The following GABBR2 variants were observed in gnomAD, a reference collection of about 807,000 sequenced individuals.
GABBR2 encodes the protein gamma-aminobutyric acid type B receptor subunit 2, also known as G-protein coupled receptor 51.
A neutral mutation model predicts 105.6 loss-of-function variants in GABBR2; 23 were observed. The observed-to-expected ratio is 0.22, with a 90% CI of 0.16 to 0.31. GABBR2 has a LOEUF of 0.31. Ranked by LOEUF, GABBR2 falls within the 10% of genes least tolerant of loss-of-function variation. The pLI, the probability that GABBR2 is intolerant of heterozygous loss-of-function variation, is 1.00. For synonymous variants in GABBR2, 478 were observed against 499.7 expected (o/e 0.96, Z 0.58); for missense variants, 734 against 1,245.5 (o/e 0.59, Z 6.18).
At chr9:98,663,289 G>A (rs929426862) in intron 1 of GABBR2, among the ~76,000 whole-genome samples, 2 of 152,122 alleles carry the variant, frequency 1.3e-5, no homozygotes, top group African/African-American at 2.4e-5. Context: ...GGGTACTGGA[G>A]GAAAGGCACA....
At chr9:98,432,895 A>G (rs1169703740) in intron 7 of GABBR2, among the ~76,000 whole-genome samples, 2 of 152,208 alleles carry the variant, frequency 1.3e-5, no homozygotes, top group African/African-American at 2.4e-5. Context: ...CATAAAGGCT[A>G]GAGTGGGCAG....
At chr9:98,594,525 T>A (rs577918221) in intron 1 of GABBR2, among the ~76,000 whole-genome samples, 1 of 151,832 alleles carries the variant, frequency 6.6e-6, no homozygotes, top group African/African-American at 2.4e-5. Flanking sequence ...AGGAATTTGC[T>A]GGAGGGGTGG....
chr9:98,441,345 C>G (rs1564070280), intron 7 of GABBR2, among the ~76,000 whole-genome samples: 1 of 150,228 alleles, frequency 6.7e-6, no homozygotes, highest in African/African-American at 2.5e-5. Flanking sequence ...AAAAACTCCT[C>G]TGAAGGAAGT....
intron 1 of GABBR2, among the ~76,000 whole-genome samples, chr9:98,703,043 G>A (rs999170566): frequency 6.6e-6 from 1 of 152,200 alleles, no homozygotes; most frequent in African/African-American, 2.4e-5. Flanking sequence ...CTTGTTCGTG[G>A]ATAAACACAT....
At position 98,358,830 on chromosome 9, in the gene GABBR2, T is replaced by G. The variant is rs550287609; in HGVS notation, c.1893+3885A>C. Among the ~76,000 whole-genome samples the G allele has an allele frequency of 9.8e-4, 149 of 152,230 alleles. 1 individual carries two copies. The highest frequency in any genetic ancestry group is 3.4e-3 in the African/African-American group (142 of 41,534). The stretch of plus-strand genomic sequence containing the variant: ...AGCCCCTGAGAGAGGAAAGAGGCGG[T>G]GAAACCAGAAGTCAGGACCTCCATC... On this transcript the variant is annotated intron_variant, in intron 13 of 18. Coordinates refer to ENST00000259455, the MANE Select transcript of GABBR2 (RefSeq NM_005458.8).
chr9:98,455,280 C>G, intron 6 of GABBR2, among the ~76,000 whole-genome samples: 1 of 152,214 alleles, frequency 6.6e-6, no homozygotes, highest in Non-Finnish European at 1.5e-5. Flanking sequence ...ACTTGCACTT[C>G]CAGATGAATG....
chr9:98,489,260 T>C (rs1827124527), intron 4 of GABBR2, among the ~76,000 whole-genome samples: 2 of 152,126 alleles, frequency 1.3e-5, no homozygotes, highest in Non-Finnish European at 2.9e-5. Flanking sequence ...CTTAAAAGTG[T>C]CCTCCTTTGA....
chr9:98,531,263 G>A (rs1292049321), intron 3 of GABBR2, among the ~76,000 whole-genome samples: 5 of 152,218 alleles, frequency 3.3e-5, no homozygotes, highest in African/African-American at 7.2e-5. Flanking sequence ...CGGGGTCCAT[G>A]TGGAGTGGGG....
intron 1 of GABBR2, among the ~76,000 whole-genome samples, chr9:98,588,383 A>G (rs1416754441): frequency 1.3e-5 from 2 of 152,262 alleles, no homozygotes; most frequent in Non-Finnish European, 2.9e-5. Context: ...TGAACAGAAC[A>G]GGTACCCAAG....
At chr9:98,386,275 A>G (rs113348301) in intron 10 of GABBR2, among the ~76,000 whole-genome samples, 2 of 148,230 alleles carry the variant, frequency 1.3e-5, no homozygotes, top group African/African-American at 5.0e-5. Flanking sequence ...TGTGACATGT[A>G]ACTTCAGCCA....
chr9:98,677,185 T>A (rs1256386607), intron 1 of GABBR2, among the ~76,000 whole-genome samples: 1 of 152,270 alleles, frequency 6.6e-6, no homozygotes, highest in African/African-American at 2.4e-5. Flanking sequence ...TCTTACCATC[T>A]GCAGCAGTTA....
intron 1 of GABBR2, among the ~76,000 whole-genome samples, chr9:98,691,637 G>A (rs1004039973): frequency 3.3e-5 from 5 of 152,180 alleles, no homozygotes; most frequent in Admixed American, 6.5e-5. Context: ...TTCCCAGGCC[G>A]TTCAGCTCTC....
intron 7 of GABBR2, among the ~76,000 whole-genome samples, chr9:98,408,961 G>A (rs1176527465): frequency 6.6e-6 from 1 of 152,162 alleles, no homozygotes; most frequent in Non-Finnish European, 1.5e-5. Flanking sequence ...TAGGGGAGCT[G>A]CTTTAGTTGG....
intron 2 of GABBR2, among the ~76,000 whole-genome samples, chr9:98,576,529 TA>T (rs1828909574): frequency 6.6e-6 from 1 of 152,168 alleles, no homozygotes; most frequent in African/African-American, 2.4e-5. Context: ...AGTCTTATCT[TA>T]AGGGCCAGAC....
intron 3 of GABBR2, among the ~76,000 whole-genome samples, chr9:98,497,994 C>T (rs567695646): frequency 9.2e-5 from 14 of 152,188 alleles, no homozygotes; most frequent in African/African-American, 2.2e-4. Flanking sequence ...GTTCACTGCT[C>T]GATGAATGGA....
At chr9:98,362,612 C>T in intron 13 of GABBR2, 103 bp downstream of exon 13, 1 of 883,940 alleles carries the variant, frequency 1.1e-6, no homozygotes, top group East Asian at 3.0e-5. Flanking sequence ...ATGAAGTGTT[C>T]CCAGTGGGGT....
intron 13 of GABBR2, among the ~76,000 whole-genome samples, chr9:98,334,446 G>C (rs1347155005): frequency 1.3e-5 from 2 of 152,204 alleles, no homozygotes; most frequent in African/African-American, 4.8e-5. Flanking sequence ...TCTCAGGCCA[G>C]TCAGGTCACC....
At chr9:98,325,278 CAATTCT>C (rs1277059905) in intron 13 of GABBR2, among the ~76,000 whole-genome samples, 92 of 138,732 alleles carry the variant, frequency 6.6e-4, no homozygotes, top group African/African-American at 2.5e-3. Flanking sequence ...TCTAGGACAG[CAATTCT>C]TTTTTTTTTT....
intron 7 of GABBR2, among the ~76,000 whole-genome samples, chr9:98,408,762 AG>A (rs1413317475): frequency 6.6e-6 from 1 of 152,208 alleles, no homozygotes; most frequent in Non-Finnish European, 1.5e-5. Flanking sequence ...GAAGATCAAA[AG>A]GGTGATGGGA....
Sources: gnomAD v4.1 joint callset for allele counts (sites outside exome capture counted in the v4.1 genomes callset) on GRCh38, gnomAD v4.1.1 for gene constraint, MANE v1.5 for transcripts, NCBI Gene and HGNC (gene_info 2026-07-23, HGNC 2026-07-21) for gene names.